The following GMDS variants were observed in gnomAD, a reference collection of about 807,000 sequenced individuals.
GMDS encodes GDP-mannose 4,6 dehydratase.
A neutral mutation model predicts 49.9 loss-of-function variants in GMDS; 20 were observed. That is an observed-to-expected ratio of 0.40 (90% CI 0.28 to 0.58). The LOEUF is 0.58. Among genes scored for constraint, GMDS ranks in the 20% least tolerant of loss-of-function variants. The probability of loss-of-function intolerance (pLI) is 0.42; values close to 1 mark genes in which losing one functional copy is unlikely to be tolerated. For synonymous variants in GMDS, 177 were observed against 178.6 expected (o/e 0.99, Z 0.07); for missense variants, 362 against 481.4 (o/e 0.75, Z 2.32).
intron 1 of GMDS, among the ~76,000 whole-genome samples, chr6:2,142,762 G>A (rs967973972): frequency 2.0e-5 from 3 of 152,154 alleles, no homozygotes; most frequent in Non-Finnish European, 4.4e-5. Context: ...GGTCAGGCAA[G>A]GTGGCCGGGC....
chr6:1,702,861 G>A lies in GMDS; in HGVS notation c.987+23555C>T, dbSNP rs567576632. ...CGCTTCTCTGTGAAAGATAACTTCG[G>A]CTCTGTGACAGCTCCACCCCAACCC... On this transcript the variant is annotated intron_variant, in intron 9 of 10. Transcript: ENST00000380815. 5.9e-5 allele frequency among the ~76,000 whole-genome samples: 9 copies of A among 152,264 alleles called. No individual in the cohort carries two copies. In the East Asian group the frequency reaches 1.7e-3, roughly 29 times the overall value.
At chr6:1,772,792 A>G (rs1768633503) in intron 7 of GMDS, among the ~76,000 whole-genome samples, 1 of 152,138 alleles carries the variant, frequency 6.6e-6, no homozygotes, top group Non-Finnish European at 1.5e-5. Context: ...CTTCCTCTCC[A>G]CTGTTCTGTA....
intron 6 of GMDS, among the ~76,000 whole-genome samples, chr6:1,939,094 T>C (rs1762690009): frequency 6.6e-6 from 1 of 152,066 alleles, no homozygotes; most frequent in African/African-American, 2.4e-5. Flanking sequence ...TACATTCTGT[T>C]CTTGCTTGCT....
intron 4 of GMDS, among the ~76,000 whole-genome samples, chr6:1,964,216 T>C (rs1221588551): frequency 6.6e-6 from 1 of 152,212 alleles, no homozygotes. Flanking sequence ...TTTTTAGGTA[T>C]AAGTTCTTAT....
intron 1 of GMDS, among the ~76,000 whole-genome samples, chr6:2,183,684 G>T (rs1019516197): frequency 6.6e-6 from 1 of 152,192 alleles, no homozygotes; most frequent in Non-Finnish European, 1.5e-5. Context: ...GAATGGCACA[G>T]AGAAATCTTT....
At chr6:1,931,766 T>C (rs1025951806) in intron 6 of GMDS, among the ~76,000 whole-genome samples, 1 of 152,240 alleles carries the variant, frequency 6.6e-6, no homozygotes, top group African/African-American at 2.4e-5. Context: ...GATTCCAACA[T>C]AAAACATTTC....
intron 9 of GMDS, among the ~76,000 whole-genome samples, chr6:1,654,094 A>C (rs560134797): frequency 5.3e-5 from 8 of 152,170 alleles, no homozygotes; most frequent in Non-Finnish European, 1.2e-4. Context: ...CTATCAAAAA[A>C]CCCAGAAAAT....
intron 4 of GMDS, among the ~76,000 whole-genome samples, chr6:1,980,691 A>G (rs188535231): frequency 9.2e-5 from 14 of 152,324 alleles, no homozygotes; most frequent in Admixed American, 5.2e-4. Context: ...TCAGCTCTGG[A>G]TCAAGAGGAT....
intron 9 of GMDS, chr6:1,624,780 C>G (rs1240831180): frequency 2.0e-6 from 1 of 488,918 alleles, no homozygotes; most frequent in Non-Finnish European, 3.6e-6. Flanking sequence ...CCACCCCCAG[C>G]TACCTCCACA....
At chr6:2,050,674 T>A (rs1770335164) in intron 4 of GMDS, among the ~76,000 whole-genome samples, 1 of 152,172 alleles carries the variant, frequency 6.6e-6, no homozygotes, top group Admixed American at 6.5e-5. Flanking sequence ...AAAAAGTTTA[T>A]CCACCACAAT....
At chr6:1,940,660 G>A (rs958257607) in intron 6 of GMDS, among the ~76,000 whole-genome samples, 2 of 152,238 alleles carry the variant, frequency 1.3e-5, no homozygotes, top group Admixed American at 1.3e-4. Flanking sequence ...AGGCTTAAAA[G>A]AGGACAATTC....
intron 4 of GMDS, among the ~76,000 whole-genome samples, chr6:2,023,752 T>C (rs1454088156): frequency 6.6e-6 from 1 of 152,118 alleles, no homozygotes; most frequent in Non-Finnish European, 1.5e-5. Flanking sequence ...GACATCATGC[T>C]CTAAAAGACA....
chr6:2,004,069 T>A (rs1170610179), intron 4 of GMDS, among the ~76,000 whole-genome samples: 1 of 152,214 alleles, frequency 6.6e-6, no homozygotes, highest in Non-Finnish European at 1.5e-5. Context: ...CTCTTTGAAA[T>A]ATACAAAATA....
At chr6:1,862,782 G>A (rs1426502256) in intron 7 of GMDS, among the ~76,000 whole-genome samples, 2 of 152,098 alleles carry the variant, frequency 1.3e-5, no homozygotes, top group African/African-American at 4.8e-5. Context: ...TTCTTCTTTA[G>A]AATAAAATAA....
chr6:1,745,771 T>C (rs1300487138), intron 7 of GMDS, among the ~76,000 whole-genome samples: 3 of 152,256 alleles, frequency 2.0e-5, no homozygotes, highest in East Asian at 1.9e-4. Context: ...AATAGTTTAC[T>C]GGTTTCAACA....
chr6:1,952,086 G>T, intron 6 of GMDS: 1 of 660,532 alleles, frequency 1.5e-6, no homozygotes, highest in Non-Finnish European at 1.9e-6. Context: ...TTGGCTTCAC[G>T]ACCTTGGACA....
chr6:1,956,926 C>T (rs1763669718), intron 6 of GMDS, among the ~76,000 whole-genome samples: 1 of 151,690 alleles, frequency 6.6e-6, no homozygotes, highest in South Asian at 2.1e-4. Context: ...CTCAGCCTCC[C>T]GAGTAGCTGG....
Position 2,207,827 on chromosome 6 carries a change from G to A in GMDS, c.102+37494C>T, listed in dbSNP as rs542964200. On this transcript the variant is annotated intron_variant, in intron 1 of 10. Transcript: ENST00000380815. ...GACTGTAAGGTTAACATGGCCACAGGCAATTTTCTTAATAACTAAGGGACA... is the reference window on the plus strand; with the variant it reads ...GACTGTAAGGTTAACATGGCCACAGACAATTTTCTTAATAACTAAGGGACA... Among the ~76,000 whole-genome samples the A allele has an allele frequency of 5.9e-5, 9 of 151,980 alleles. No homozygotes were observed. In the South Asian group the frequency reaches 1.9e-3, roughly 31 times the overall value.
chr6:2,083,382 C>T (rs778091112), intron 4 of GMDS, among the ~76,000 whole-genome samples: 3 of 152,064 alleles, frequency 2.0e-5, no homozygotes, highest in Non-Finnish European at 4.4e-5. Flanking sequence ...ATCTGCAACT[C>T]GTCAAGTATC....
Sources: allele counts gnomAD v4.1 joint callset (sites outside exome capture counted in the v4.1 genomes callset), GRCh38; gene constraint gnomAD v4.1.1; transcripts MANE v1.5; gene names NCBI Gene and HGNC (gene_info 2026-07-23, HGNC 2026-07-21).